CNTN1: variants seen among roughly 807,000 people sequenced by gnomAD.
CNTN1 encodes contactin-1.
Under a neutral mutation model 126.4 loss-of-function variants are expected in CNTN1, and 38 were observed. That is an observed-to-expected ratio of 0.30 (90% confidence interval 0.23 to 0.39). The LOEUF (loss-of-function observed/expected upper bound fraction) is 0.39, where lower values mean the gene tolerates loss of function less well. Ranked by LOEUF, CNTN1 falls within the 10% of genes least tolerant of loss-of-function variation. The probability of loss-of-function intolerance (pLI) is 1.00; values close to 1 mark genes in which losing one functional copy is unlikely to be tolerated. For synonymous variants in CNTN1, 413 were observed against 422.6 expected (o/e 0.98, Z 0.28); for missense variants, 1,009 against 1,248.4 (o/e 0.81, Z 2.89).
At chr12:40,845,944 T>TA (rs1175590001) in intron 1 of CNTN1, among the ~76,000 whole-genome samples, 1 of 152,184 alleles carries the variant, frequency 6.6e-6, no homozygotes, top group African/African-American at 2.4e-5. Flanking sequence ...CCATTAACAG[T>TA]AAAAAATGAT....
At position 41,041,146 on chromosome 12, in the gene CNTN1, G is replaced by C. The variant is rs1414907979; in HGVS notation, c.2980+11927G>C. ...TGAAGGGTTGTTGAATTTTGTCAAA[G>C]GCCTTTTTTGCATCTATTGAGATAA... On this transcript the variant is annotated intron_variant, in intron 23 of 23. Transcript: ENST00000551295. Among the ~76,000 whole-genome samples the C allele has an allele frequency of 5.9e-5, 9 of 151,650 alleles. No homozygotes were observed. The East Asian group carries it at 1.7e-3, about 29-fold the overall frequency.
intron 1 of CNTN1, among the ~76,000 whole-genome samples, chr12:40,904,026 CTCT>C (rs1314293037): frequency 6.6e-6 from 1 of 152,104 alleles, no homozygotes; most frequent in African/African-American, 2.4e-5. Flanking sequence ...CTCGTCTCTT[CTCT>C]TCTTTTTGAG....
intron 1 of CNTN1, among the ~76,000 whole-genome samples, chr12:40,737,357 G>GTATA (rs773215644): frequency 0.045 from 4,764 of 104,864 alleles, 196 homozygotes; most frequent in African/African-American, 0.11. Flanking sequence ...ATATGTGTGT[G>GTATA]TGTATATATA....
intron 1 of CNTN1, among the ~76,000 whole-genome samples, chr12:40,726,262 TA>T (rs1335736924): frequency 2.0e-5 from 3 of 152,180 alleles, no homozygotes; most frequent in Non-Finnish European, 4.4e-5. Flanking sequence ...TGTTCTGGTT[TA>T]AAATAGTACA....
intron 16 of CNTN1, 108 bp from the exon 17 acceptor site, chr12:40,993,012 T>C: frequency 1.0e-6 from 1 of 972,202 alleles, no homozygotes; most frequent in South Asian, 1.5e-5. Flanking sequence ...TTACTTCAAC[T>C]CAGTGTAATA....
chr12:40,813,990 C>CT (rs201526637), intron 1 of CNTN1, among the ~76,000 whole-genome samples: 3,464 of 151,732 alleles, frequency 0.023, 128 homozygotes, highest in African/African-American at 0.078. Flanking sequence ...GTGTAAATGT[C>CT]TTTTTTTTGA....
chr12:40,979,650 G>A (rs1947769539), intron 15 of CNTN1, among the ~76,000 whole-genome samples: 1 of 152,064 alleles, frequency 6.6e-6, no homozygotes, highest in South Asian at 2.1e-4. Flanking sequence ...ACTAGGAGCT[G>A]TCTATTAACT....
chr12:40,808,718 C>T (rs781379575), intron 1 of CNTN1, among the ~76,000 whole-genome samples: 1 of 152,080 alleles, frequency 6.6e-6, no homozygotes, highest in Non-Finnish European at 1.5e-5. Flanking sequence ...AGGACAAGAG[C>T]TTTTAAATTC....
intron 1 of CNTN1, among the ~76,000 whole-genome samples, chr12:40,860,320 G>A (rs1208840248): frequency 1.3e-5 from 2 of 152,150 alleles, no homozygotes; most frequent in African/African-American, 4.8e-5. Flanking sequence ...TGCAATATGT[G>A]TGATGTCTTC....
chr12:40,780,213 G>T (rs974285593), intron 1 of CNTN1, among the ~76,000 whole-genome samples: 2 of 151,836 alleles, frequency 1.3e-5, no homozygotes, highest in Non-Finnish European at 2.9e-5. Context: ...TGCTACAATT[G>T]TACAGGATGA....
chr12:40,813,101 C>CTTTTT (rs1300261620), intron 1 of CNTN1, among the ~76,000 whole-genome samples: 1 of 113,088 alleles, frequency 8.8e-6, no homozygotes, highest in African/African-American at 3.1e-5. Flanking sequence ...CTTTCTCTTT[C>CTTTTT]TTTTTTTCTT....
intron 1 of CNTN1, among the ~76,000 whole-genome samples, chr12:40,777,445 G>A (rs1939634215): frequency 1.3e-5 from 2 of 151,594 alleles, no homozygotes; most frequent in Admixed American, 6.6e-5. Context: ...ACACCTAGGC[G>A]ACCCTCCTGG....
intron 17 of CNTN1, among the ~76,000 whole-genome samples, chr12:41,009,555 C>G (rs1393762085): frequency 6.6e-6 from 1 of 152,150 alleles, no homozygotes; most frequent in African/African-American, 2.4e-5. Context: ...GATTGAAGGC[C>G]CTTCCTATGG....
At chr12:40,964,662 T>C (rs1947241880) in intron 15 of CNTN1, among the ~76,000 whole-genome samples, 1 of 152,148 alleles carries the variant, frequency 6.6e-6, no homozygotes, top group East Asian at 1.9e-4. Context: ...GTTAAGGTTT[T>C]TATTGCTTAG....
intron 23 of CNTN1, among the ~76,000 whole-genome samples, chr12:41,041,727 T>C (rs1436649861): frequency 2.0e-5 from 3 of 152,164 alleles, no homozygotes; most frequent in Non-Finnish European, 2.9e-5. Flanking sequence ...TATTCTCCAA[T>C]GGTAGTTTGT....
chr12:40,924,384 A>G (rs1390532342), intron 5 of CNTN1, among the ~76,000 whole-genome samples, 173 bp from the exon 6 acceptor site: 1 of 152,170 alleles, frequency 6.6e-6, no homozygotes, highest in Non-Finnish European at 1.5e-5. Context: ...TTAATAGTCT[A>G]TACAAAATCT....
intron 1 of CNTN1, among the ~76,000 whole-genome samples, chr12:40,829,514 A>C (rs555380106): frequency 6.6e-6 from 1 of 152,246 alleles, no homozygotes; most frequent in East Asian, 1.9e-4. Context: ...TTTTAAAAAG[A>C]AAGAAATTTA....
chr12:41,003,555 G>C (rs987875679), intron 17 of CNTN1, among the ~76,000 whole-genome samples: 5 of 150,736 alleles, frequency 3.3e-5, no homozygotes, highest in Admixed American at 3.3e-4. Context: ...GTAGAATTCA[G>C]CTGTGAATCT....
rs1419998378 is a variant in CNTN1, at chr12:41,038,828, G to A, written c.2980+9609G>A. ...AGCTGAGGAAGGTAAAGAGAGGTGG[G>A]AGAGAGCAAGGGCATCTGTTTTCAC... On this transcript the variant is annotated intron_variant, in intron 23 of 23. Transcript: ENST00000551295. Among the ~76,000 whole-genome samples, 3 of 152,144 alleles carry A rather than the reference G, an allele frequency of 2.0e-5. No individual in the cohort carries two copies. The East Asian group carries it at 5.8e-4, about 29-fold the overall frequency.
Sources: gnomAD v4.1 joint callset for allele counts (sites outside exome capture counted in the v4.1 genomes callset) on GRCh38, gnomAD v4.1.1 for gene constraint, MANE v1.5 for transcripts, NCBI Gene and HGNC (gene_info 2026-07-23, HGNC 2026-07-21) for gene names.